COL4A4: variants seen among roughly 807,000 people sequenced by gnomAD.
COL4A4 encodes collagen type IV alpha 4 chain, also known as collagen alpha-4(IV) chain.
A neutral mutation model predicts 192.9 loss-of-function variants in COL4A4; 105 were observed. The observed-to-expected ratio is 0.54, with a 90% CI of 0.46 to 0.64. The LOEUF (loss-of-function observed/expected upper bound fraction) is 0.64. Among genes scored for constraint, COL4A4 ranks in the 30% least tolerant of loss-of-function variants. COL4A4 has a pLI of 0.00. For synonymous variants in COL4A4, 762 were observed against 769.9 expected, an observed-to-expected ratio of 0.99 and a Z score of 0.17; for missense variants, 1,967 against 2,169.3, an observed-to-expected ratio of 0.91 and a Z score of 1.85.
intron 41 of COL4A4, among the ~76,000 whole-genome samples, chr2:227,030,016 AT>A (rs1197748947): frequency 6.6e-6 from 1 of 152,218 alleles, no homozygotes; most frequent in Admixed American, 6.5e-5. Flanking sequence ...TGCAAAAGGA[AT>A]TAGGTTTGCA....
chr2:227,105,748 G>T (rs1172611284), intron 12 of COL4A4, among the ~76,000 whole-genome samples: 1 of 152,046 alleles, frequency 6.6e-6, no homozygotes, highest in African/African-American at 2.4e-5. Flanking sequence ...TTAAGAACAG[G>T]CTATACATAG....
intron 25 of COL4A4, among the ~76,000 whole-genome samples, chr2:227,066,652 A>T (rs1253532703): frequency 6.7e-6 from 1 of 149,688 alleles, no homozygotes; most frequent in Non-Finnish European, 1.5e-5. Context: ...AATACTTTAC[A>T]GACAAGCAAA....
At chr2:227,135,404 T>A (rs1022095999) in intron 4 of COL4A4, among the ~76,000 whole-genome samples, 1 of 152,206 alleles carries the variant, frequency 6.6e-6, no homozygotes, top group African/African-American at 2.4e-5. Context: ...TTGCTGCTGC[T>A]CAAAGTGCTT....
the COL4A4 span, chr2:226,988,199 C>A: frequency 1.3e-6 from 1 of 767,158 alleles, no homozygotes; most frequent in Non-Finnish European, 2.0e-6. Context: ...GTAATTAAAA[C>A]TTACCCAAAG....
intron 28 of COL4A4, 135 bp downstream of exon 28, chr2:227,059,270 C>T (rs1041964580): frequency 9.7e-6 from 8 of 823,990 alleles, no homozygotes; most frequent in Non-Finnish European, 1.7e-5. Context: ...AACCAGCACC[C>T]CAAATGAGGG....
chr2:227,129,334 T>C (rs1036693712), intron 4 of COL4A4, among the ~76,000 whole-genome samples: 2 of 152,028 alleles, frequency 1.3e-5, no homozygotes, highest in Non-Finnish European at 2.9e-5. Context: ...CTAAATAACG[T>C]CATCACCTAT....
chr2:227,156,821 G>A (rs908358624), intron 1 of COL4A4, among the ~76,000 whole-genome samples: 1 of 151,974 alleles, frequency 6.6e-6, no homozygotes, highest in African/African-American at 2.4e-5. Context: ...CTTAACAACA[G>A]AACTTCAAAT....
chr2:227,091,737 A>G (rs1391912880), intron 20 of COL4A4, among the ~76,000 whole-genome samples: 1 of 151,986 alleles, frequency 6.6e-6, no homozygotes, highest in Non-Finnish European at 1.5e-5. Flanking sequence ...CTACTAAAAA[A>G]TGCAAAAAAT....
At chr2:227,047,134 A>G (rs577454926) in intron 35 of COL4A4, among the ~76,000 whole-genome samples, 1 of 152,134 alleles carries the variant, frequency 6.6e-6, no homozygotes, top group South Asian at 2.1e-4. Context: ...TTTAAATGAT[A>G]GAGGGTGCAA....
chr2:227,098,097 T>C (rs1354332801), intron 19 of COL4A4, among the ~76,000 whole-genome samples: 6 of 152,234 alleles, frequency 3.9e-5, no homozygotes, highest in African/African-American at 1.4e-4. Context: ...ATTTTCTTAT[T>C]TTTGTTTTTG....
the COL4A4 span, among the ~76,000 whole-genome samples, chr2:226,970,708 CT>C: frequency 6.6e-6 from 1 of 152,180 alleles, no homozygotes; most frequent in Non-Finnish European, 1.5e-5. Flanking sequence ...TTCCAATGTA[CT>C]TTTTTTATTT....
chr2:227,065,040 C>T (rs947035033), intron 25 of COL4A4, among the ~76,000 whole-genome samples: 1 of 152,144 alleles, frequency 6.6e-6, no homozygotes, highest in African/African-American at 2.4e-5. Flanking sequence ...GCACCGTGCA[C>T]GAGCCGAAGC....
At chr2:227,039,210 A>T (rs888716399) in intron 37 of COL4A4, among the ~76,000 whole-genome samples, 1 of 152,188 alleles carries the variant, frequency 6.6e-6, no homozygotes, top group Non-Finnish European at 1.5e-5. Context: ...TCTGTCACCC[A>T]GGCTGGAGTT....
At chr2:227,026,402 G>T (rs1966860189) in intron 42 of COL4A4, among the ~76,000 whole-genome samples, 1 of 151,910 alleles carries the variant, frequency 6.6e-6, no homozygotes, top group Non-Finnish European at 1.5e-5. Flanking sequence ...GGAGGCTGAG[G>T]CAGGAGAACG....
At chr2:227,040,163 G>A (rs964256811) in intron 37 of COL4A4, among the ~76,000 whole-genome samples, 10 of 152,176 alleles carry the variant, frequency 6.6e-5, no homozygotes, top group Admixed American at 5.9e-4. Context: ...AGAAGAAGGG[G>A]TTTCCAACTC....
intron 42 of COL4A4, among the ~76,000 whole-genome samples, chr2:227,026,870 G>C (rs1966931172): frequency 1.3e-5 from 2 of 152,048 alleles, no homozygotes; most frequent in African/African-American, 4.8e-5. Context: ...GAAAATTCAG[G>C]GATCGGAATT....
At chr2:226,995,337 A>G in the COL4A4 span, 1 of 752,674 alleles carries the variant, frequency 1.3e-6, no homozygotes, top group Non-Finnish European at 2.3e-6. Context: ...TGAAGATGAC[A>G]CCCAAGCTAT....
At chr2:227,144,684 C>T (rs757280843) in intron 2 of COL4A4, 126 bp from the exon 3 acceptor site, 1 of 725,788 alleles carries the variant, frequency 1.4e-6, no homozygotes, top group Non-Finnish European at 2.4e-6. Flanking sequence ...TCCTACTAGC[C>T]GACTTGTCAT....
chr2:227,060,385 T>A (rs576157978), intron 26 of COL4A4, 142 bp from the exon 27 acceptor site: 21 of 612,234 alleles, frequency 3.4e-5, no homozygotes, highest in Non-Finnish European at 5.9e-5. Context: ...CTATCCCGAT[T>A]TACAAAAATA....
Sources: allele counts gnomAD v4.1 joint callset (sites outside exome capture counted in the v4.1 genomes callset), GRCh38; gene constraint gnomAD v4.1.1; transcripts MANE v1.5; gene names NCBI Gene and HGNC (gene_info 2026-07-23, HGNC 2026-07-21).